The following TRAPPC10 variants were observed in gnomAD, a reference collection of about 807,000 sequenced individuals.
The protein encoded by TRAPPC10 is TRAPP 130 kDa subunit.
A neutral mutation model predicts 125.5 loss-of-function variants in TRAPPC10; 23 were observed. The observed-to-expected ratio is 0.18, with a 90% CI of 0.13 to 0.26. TRAPPC10 has a LOEUF of 0.26. Ranked by LOEUF, TRAPPC10 falls within the 10% of genes least tolerant of loss-of-function variation. TRAPPC10 has a pLI of 1.00. For missense variants in TRAPPC10, 1,123 were observed against 1,308.4 expected (o/e 0.86, Z 2.19); for synonymous variants, 509 against 518.0 (o/e 0.98, Z 0.24).
chr21:44,086,963 G>A lies in TRAPPC10; in HGVS notation c.2539+3G>A. 1 of 1,613,800 alleles carries A rather than the reference G, an allele frequency of 6.2e-7. No homozygotes were observed. Among genetic ancestry groups the A allele is most frequent in the Non-Finnish European group, 8.5e-7 (1 of 1,179,870 alleles). ...TGTGGTCTACTCCAACACGAGAGGT[G>A]AGGTGCCGCCCACCCAGGCCCAAGG... On this transcript the variant is annotated splice_donor_region_variant and intron_variant, in intron 16 of 22. Transcript: ENST00000291574.
At chr21:44,049,986 T>C (rs2035127128) in intron 3 of TRAPPC10, among the ~76,000 whole-genome samples, 1 of 152,012 alleles carries the variant, frequency 6.6e-6, no homozygotes, top group Non-Finnish European at 1.5e-5. Flanking sequence ...TTCATACAAT[T>C]CTCCTGCCTC....
chr21:44,085,340 C>G (rs778581047), intron 15 of TRAPPC10, among the ~76,000 whole-genome samples: 1 of 152,058 alleles, frequency 6.6e-6, no homozygotes, highest in Non-Finnish European at 1.5e-5. Flanking sequence ...CAAGAAGCAG[C>G]TAATGTCTAC....
chr21:44,090,639 C>T (rs545181274), intron 18 of TRAPPC10, among the ~76,000 whole-genome samples: 1 of 152,056 alleles, frequency 6.6e-6, no homozygotes, highest in African/African-American at 2.4e-5. Flanking sequence ...TTGACTGCAC[C>T]GGGAGGCCCA....
chr21:44,030,558 T>TC (rs1255265870), intron 1 of TRAPPC10, among the ~76,000 whole-genome samples: 1 of 151,996 alleles, frequency 6.6e-6, no homozygotes, highest in Non-Finnish European at 1.5e-5. Context: ...ACCTCCGCCT[T>TC]CCGGTTCAAG....
chr21:44,032,286 C>G lies in TRAPPC10; in HGVS notation c.149+114C>G, dbSNP rs548680714. On this transcript the variant is annotated intron_variant, in intron 2 of 22. Transcript: ENST00000291574. ...ATTTATGTGAACAAGTGAAGTAGCA[C>G]AAGTTAAAAGCCTCAGTTCTAAAGA... 792 of 736,426 alleles carry G rather than the reference C, an allele frequency of 1.1e-3. 1 individual carries two copies. The highest frequency in any genetic ancestry group is 1.0e-3 in the Non-Finnish European group (476 of 466,380). 45.6% of individuals were successfully genotyped at this position (736,426 alleles called of 1,614,324 possible). A position where few individuals can be genotyped will look rare whatever the true frequency, so the allele number is the denominator to read the frequency against.
intron 3 of TRAPPC10, among the ~76,000 whole-genome samples, chr21:44,044,721 T>TG (rs1185255312): frequency 7.1e-6 from 1 of 140,940 alleles, no homozygotes; most frequent in African/African-American, 2.7e-5. Context: ...TGGAGTGCAG[T>TG]GGGGTGATCT....
At chr21:44,017,292 G>A (rs558035008) in intron 1 of TRAPPC10, among the ~76,000 whole-genome samples, 1 of 152,192 alleles carries the variant, frequency 6.6e-6, no homozygotes, top group Admixed American at 6.5e-5. Flanking sequence ...CATCTTGTAC[G>A]CATGACCTCG....
At chr21:44,046,439 A>C (rs1283814557) in intron 3 of TRAPPC10, 1 of 277,076 alleles carries the variant, frequency 3.6e-6, no homozygotes, top group East Asian at 1.1e-4. Flanking sequence ...TTGACAAGAG[A>C]CTCCAGTTCT....
chr21:44,044,342 G>A (rs1206979232), intron 3 of TRAPPC10, among the ~76,000 whole-genome samples: 1 of 138,744 alleles, frequency 7.2e-6, no homozygotes, highest in Admixed American at 7.3e-5. Context: ...CTTGATTATC[G>A]TCTATTTAAA....
At chr21:44,055,591 AAAGG>A in intron 4 of TRAPPC10, 103 bp from the exon 5 acceptor site, 3 of 904,670 alleles carry the variant, frequency 3.3e-6, no homozygotes, top group Non-Finnish European at 4.9e-6. Flanking sequence ...AAAAAAAAAA[AAAGG>A]AGGAGGAAGG....
intron 3 of TRAPPC10, chr21:44,046,868 A>T: frequency 1.3e-6 from 1 of 764,114 alleles, no homozygotes; most frequent in East Asian, 2.8e-5. Context: ...GAGGTACTCC[A>T]GGATGGCTGT....
chr21:44,083,938 A>G (rs556968154), intron 14 of TRAPPC10, among the ~76,000 whole-genome samples, 184 bp from the exon 15 acceptor site: 1 of 152,328 alleles, frequency 6.6e-6, no homozygotes, highest in East Asian at 1.9e-4. Flanking sequence ...TCACGAATTG[A>G]GAGATTCTGA....
rs1260782170 is a variant in TRAPPC10 at position 44,074,329 on chromosome 21, T to A, written c.1044T>A (p.Ser348=). Residue 348 remains serine, a synonymous_variant, in exon 8 of 23, where the codon TCT becomes TCA. Transcript: ENST00000291574. ...CVQELKLLEV[S]VPPGALDCWV... ...TCGCATTTGCACCCCCACAGGTCTC[T>A]GTCCCACCTGGTGCTCTGGACTGCT... is the stretch of plus-strand genomic sequence containing the variant. 8.1e-6 allele frequency: 13 copies of A among 1,613,934 alleles called. No homozygotes were observed. Among genetic ancestry groups the A allele is most frequent in the Non-Finnish European group, 1.1e-5 (13 of 1,180,034 alleles).
At chr21:44,069,832 C>T (rs1601741129) in intron 7 of TRAPPC10, among the ~76,000 whole-genome samples, 1 of 151,998 alleles carries the variant, frequency 6.6e-6, no homozygotes, top group South Asian at 2.1e-4. Flanking sequence ...GTGAATGGGT[C>T]GTAGTGGATG....
intron 11 of TRAPPC10, among the ~76,000 whole-genome samples, chr21:44,078,519 A>T (rs2037446799): frequency 6.6e-6 from 1 of 152,108 alleles, no homozygotes; most frequent in East Asian, 1.9e-4. Context: ...GAAGCAAGAA[A>T]TGAGAATTGA....
At chr21:44,053,198 A>G (rs759183510) in intron 4 of TRAPPC10, among the ~76,000 whole-genome samples, 3 of 152,198 alleles carry the variant, frequency 2.0e-5, no homozygotes, top group Non-Finnish European at 4.4e-5. Context: ...ATGGAGGTAC[A>G]TGCTCATTGT....
chr21:44,032,381 T>TTC (rs1489311751), intron 2 of TRAPPC10, among the ~76,000 whole-genome samples: 15 of 141,630 alleles, frequency 1.1e-4, no homozygotes, highest in African/African-American at 3.0e-4. Context: ...ATGGTTTTCT[T>TTC]TTTTTTTTTT....
rs934190316 is a variant in TRAPPC10, at chr21:44,063,156, C to T, written c.791-382C>T. On this transcript the variant is annotated intron_variant, in intron 6 of 22. Transcript: ENST00000291574. The surrounding 1 kb of genome is among the most constrained non-coding windows in gnomAD (Gnocchi z 4.4). ...ACCAGGATGGTCAGAGCAGGCTGCA[C>T]TCCAGCCCACAGGTAAAGATAAGGA... 3 of 1,303,392 alleles carry T rather than the reference C, an allele frequency of 2.3e-6. No individual in the cohort carries two copies. Among genetic ancestry groups the T allele is most frequent in the East Asian group, 5.4e-5 (1 of 18,576 alleles). The allele number at this position is 1,303,392 out of a possible 1,614,324, so 80.7% of individuals were successfully genotyped here. A position where few individuals can be genotyped will look rare whatever the true frequency, so the allele number is the denominator to read the frequency against.
chr21:44,047,532 A>ATGTGTGTGTGTGTGTGTG lies in TRAPPC10; in HGVS notation c.286-4731_286-4714dup, dbSNP rs33940679. Among the ~76,000 whole-genome samples the ATGTGTGTGTGTGTGTGTG allele has an allele frequency of 7.5e-3, 1,072 of 142,824 alleles. 16 individuals are homozygous for ATGTGTGTGTGTGTGTGTG. Among genetic ancestry groups the ATGTGTGTGTGTGTGTGTG allele is most frequent in the African/African-American group, 0.021 (768 of 36,584 alleles). 93.7% of individuals were successfully genotyped at this position (142,824 alleles called of 152,430 possible). ...TCTGTTGCACCCTCTCTGGGGGAGT[A>ATGTGTGTGTGTGTGTGTG]TGTGTGTGTGTGTGTGTGTGTGTGT... On this transcript the variant is annotated intron_variant, in intron 3 of 22. Transcript: ENST00000291574.
Sources: allele counts gnomAD v4.1 joint callset (sites outside exome capture counted in the v4.1 genomes callset), GRCh38; gene constraint gnomAD v4.1.1; non-coding constraint Gnocchi (gnomAD v3.1); transcripts MANE v1.5; gene names NCBI Gene and HGNC (gene_info 2026-07-23, HGNC 2026-07-21).